WDR70: variants seen among roughly 807,000 people sequenced by gnomAD.
WDR70 encodes WD repeat-containing protein 70.
In WDR70, 53 loss-of-function variants were observed where a neutral mutation model predicts 88.6. The ratio of observed to expected loss-of-function variants is 0.60; its 90% CI spans 0.48 to 0.75. The LOEUF (loss-of-function observed/expected upper bound fraction) is 0.75, where lower values mean the gene tolerates loss of function less well. WDR70 is among the 30% of genes least tolerant of loss of function. The probability of loss-of-function intolerance (pLI) is 0.00; values close to 1 mark genes in which losing one functional copy is unlikely to be tolerated. For synonymous variants in WDR70, 280 were observed against 270.0 expected (o/e 1.04, Z -0.36); for missense variants, 610 against 823.2 (o/e 0.74, Z 3.17).
chr5:37,681,241 G>A (rs895716909), intron 10 of WDR70, among the ~76,000 whole-genome samples: 3 of 151,818 alleles, frequency 2.0e-5, no homozygotes, highest in Non-Finnish European at 4.4e-5. Context: ...GCTGTTTTTT[G>A]TGTATAGGAA....
intron 10 of WDR70, among the ~76,000 whole-genome samples, chr5:37,681,100 A>G (rs1746422937): frequency 6.6e-6 from 1 of 151,620 alleles, no homozygotes; most frequent in Non-Finnish European, 1.5e-5. Flanking sequence ...TGTTTGTGTC[A>G]TTTCTGATTT....
chr5:37,591,297 C>T (rs946971203), intron 9 of WDR70, among the ~76,000 whole-genome samples: 3 of 152,204 alleles, frequency 2.0e-5, no homozygotes, highest in African/African-American at 7.2e-5. Context: ...CACACCACTG[C>T]ACTCTAACCT....
intron 9 of WDR70, among the ~76,000 whole-genome samples, chr5:37,534,513 T>TTG (rs1741598434): frequency 6.6e-6 from 1 of 151,598 alleles, no homozygotes; most frequent in African/African-American, 2.4e-5. Flanking sequence ...TTTTTTTTTT[T>TTG]TGTGACAAAA....
At chr5:37,599,090 A>C (rs953211019) in intron 9 of WDR70, among the ~76,000 whole-genome samples, 1 of 152,268 alleles carries the variant, frequency 6.6e-6, no homozygotes, top group African/African-American at 2.4e-5. Flanking sequence ...GAAGGACTAC[A>C]TAAGCAACTT....
At chr5:37,543,960 C>T (rs781015553) in intron 9 of WDR70, among the ~76,000 whole-genome samples, 8 of 152,120 alleles carry the variant, frequency 5.3e-5, no homozygotes, top group East Asian at 3.9e-4. Flanking sequence ...TTAATGGAGA[C>T]GGGGTTTCAC....
intron 8 of WDR70, among the ~76,000 whole-genome samples, chr5:37,484,913 T>G (rs1190100093): frequency 3.3e-5 from 5 of 152,326 alleles, no homozygotes; most frequent in Non-Finnish European, 5.9e-5. Flanking sequence ...GCTTCTATCA[T>G]GTCCACTAAC....
intron 17 of WDR70, 113 bp from the exon 18 acceptor site, chr5:37,752,373 T>C: frequency 3.0e-6 from 2 of 660,806 alleles, no homozygotes; most frequent in South Asian, 4.0e-5. Flanking sequence ...ATTTAATAAT[T>C]GAGTTGTAAT....
chr5:37,414,353 C>T (rs1749626977), intron 5 of WDR70, among the ~76,000 whole-genome samples: 1 of 152,028 alleles, frequency 6.6e-6, no homozygotes, highest in Non-Finnish European at 1.5e-5. Context: ...CTTATTCCCG[C>T]ATGGAAACTT....
intron 9 of WDR70, among the ~76,000 whole-genome samples, chr5:37,586,428 A>G (rs1743366035): frequency 6.6e-6 from 1 of 151,918 alleles, no homozygotes; most frequent in East Asian, 1.9e-4. Flanking sequence ...TTATTATTAT[A>G]CTTTAAGTTC....
chr5:37,530,668 A>G (rs1364847988), intron 9 of WDR70, among the ~76,000 whole-genome samples: 2 of 139,246 alleles, frequency 1.4e-5, no homozygotes, highest in East Asian at 3.9e-4. Context: ...TTTTTTTCTA[A>G]TTGTGCTTAT....
intron 10 of WDR70, among the ~76,000 whole-genome samples, chr5:37,664,897 G>C (rs1171909072): frequency 6.6e-6 from 1 of 152,204 alleles, no homozygotes; most frequent in African/African-American, 2.4e-5. Context: ...GATGTGTTTA[G>C]TATCACTGAA....
intron 5 of WDR70, 32 bp from the exon 6 acceptor site, chr5:37,437,890 A>G: frequency 6.3e-7 from 1 of 1,581,762 alleles, no homozygotes; most frequent in Non-Finnish European, 8.6e-7. Context: ...ATGTTATTTT[A>G]CCATTAATGT....
chr5:37,445,572 A>G (rs548441543), intron 7 of WDR70, among the ~76,000 whole-genome samples: 49 of 152,204 alleles, frequency 3.2e-4, no homozygotes, highest in Non-Finnish European at 5.3e-4. Flanking sequence ...CCAGCAGCAC[A>G]TCAAAAAGCT....
intron 5 of WDR70, among the ~76,000 whole-genome samples, chr5:37,400,911 A>G (rs549684975): frequency 6.6e-6 from 1 of 152,308 alleles, no homozygotes; most frequent in African/African-American, 2.4e-5. Flanking sequence ...AGGAGAAAGT[A>G]GAAAGATGAG....
chr5:37,663,149 G>A (rs767153487), intron 10 of WDR70, among the ~76,000 whole-genome samples: 1 of 152,050 alleles, frequency 6.6e-6, no homozygotes, highest in African/African-American at 2.4e-5. Context: ...TATTATGAGG[G>A]CACTTTCTTT....
chr5:37,684,741 A>G (rs546647114), intron 10 of WDR70, among the ~76,000 whole-genome samples: 10 of 152,270 alleles, frequency 6.6e-5, no homozygotes, highest in South Asian at 2.1e-4. Flanking sequence ...CAGCAAAAGC[A>G]TTTTGTAGGG....
chr5:37,444,641 C>T (rs1216112440), intron 7 of WDR70, among the ~76,000 whole-genome samples: 2 of 152,118 alleles, frequency 1.3e-5, no homozygotes, highest in African/African-American at 4.8e-5. Flanking sequence ...CCGCGCCTGG[C>T]CCATAAGACA....
Position 37,516,565 on chromosome 5 carries a change from GAATTT to G in WDR70, c.894_898del (p.Glu298AspfsTer6). On this transcript the variant is annotated frameshift_variant, in exon 9 of 18. Coordinates refer to ENST00000265107, the MANE Select transcript of WDR70 (RefSeq NM_018034.4). LOFTEE classifies it high-confidence loss of function. ...CTCATGGCATCCCAAAATAAAGGGA[GAATTT>G]ATGACTTGCTCAAATGATGCGTGAG... 6.2e-7 allele frequency: 1 copy of G among 1,606,560 alleles called. No individual in the cohort carries two copies. Among genetic ancestry groups the G allele is most frequent in the South Asian group, 1.1e-5 (1 of 90,028 alleles).
chr5:37,653,971 C>G (rs1405727308), intron 10 of WDR70, among the ~76,000 whole-genome samples: 4 of 151,926 alleles, frequency 2.6e-5, no homozygotes, highest in African/African-American at 9.7e-5. Context: ...TTAGTTATTT[C>G]TGGTCTTCTG....
Sources: allele counts gnomAD v4.1 joint callset (sites outside exome capture counted in the v4.1 genomes callset), GRCh38; gene constraint gnomAD v4.1.1; transcripts MANE v1.5; gene names NCBI Gene and HGNC (gene_info 2026-07-23, HGNC 2026-07-21).